DNAH9: variants seen among roughly 807,000 people sequenced by gnomAD.
DNAH9 encodes dynein axonemal heavy chain 9.
Under a neutral mutation model 471.6 loss-of-function variants are expected in DNAH9, and 345 were observed. That is an observed-to-expected ratio of 0.73 (90% CI 0.67 to 0.80). DNAH9 has a LOEUF of 0.80. Ranked by LOEUF, DNAH9 falls within the 30% of genes least tolerant of loss-of-function variation. The pLI, the probability that DNAH9 is intolerant of heterozygous loss-of-function variation, is 0.00. For missense variants in DNAH9, 5,407 were observed against 5,609.2 expected (o/e 0.96, Z 1.15); for synonymous variants, 2,093 against 2,123.6 (o/e 0.99, Z 0.40).
chr17:11,882,686 A>G (rs1348800575), intron 55 of DNAH9, among the ~76,000 whole-genome samples: 1 of 152,242 alleles, frequency 6.6e-6, no homozygotes, highest in Non-Finnish European at 1.5e-5. Context: ...AAACAAATGA[A>G]CAATGCCATT....
At chr17:11,954,769 TAAAAAAAA>T (rs34740871) in intron 67 of DNAH9, among the ~76,000 whole-genome samples, 2 of 118,734 alleles carry the variant, frequency 1.7e-5, no homozygotes, top group African/African-American at 6.1e-5. Context: ...GACTTCGTCT[TAAAAAAAA>T]AAAAAAAAAA....
chr17:11,833,983 G>T (rs2150952743), intron 48 of DNAH9, among the ~76,000 whole-genome samples: 1 of 152,256 alleles, frequency 6.6e-6, no homozygotes, highest in Non-Finnish European at 1.5e-5. Flanking sequence ...AGCTTTATAA[G>T]CAATAGCTAC....
intron 20 of DNAH9, among the ~76,000 whole-genome samples, chr17:11,690,686 GA>G (rs60154323): frequency 0.22 from 31,681 of 145,724 alleles, 3,766 homozygotes; most frequent in African/African-American, 0.34. Context: ...ACCTCATTCA[GA>G]AAAAAAAAAA....
chr17:11,860,485 T>C (rs1338887767), intron 50 of DNAH9, among the ~76,000 whole-genome samples: 1 of 152,208 alleles, frequency 6.6e-6, no homozygotes, highest in East Asian at 1.9e-4. Flanking sequence ...TTTTGCAAAG[T>C]ATTGAATTCT....
In DNAH9 at chr17:11,821,238, A is replaced by C. The variant is rs1416890385; in HGVS notation, c.8708-682A>C. The stretch of plus-strand genomic sequence containing the variant: ...GAGGTGGAGGTTGCAGTGAGCCAAG[A>C]TCACACCACTGCACTCCAGTCTGGG... On this transcript the variant is annotated intron_variant, in intron 45 of 68. Coordinates refer to ENST00000262442, the MANE Select transcript of DNAH9 (RefSeq NM_001372.4). Among the ~76,000 whole-genome samples the C allele has an allele frequency of 4.0e-5, 6 of 151,674 alleles. No individual in the cohort carries two copies. The East Asian group carries it at 1.2e-3, about 29-fold the overall frequency.
At chr17:11,895,014 C>G (rs1253389131) in intron 59 of DNAH9, among the ~76,000 whole-genome samples, 1 of 152,144 alleles carries the variant, frequency 6.6e-6, no homozygotes, top group Non-Finnish European at 1.5e-5. Context: ...CTCTGTCCAC[C>G]TGGGCAATAG....
At chr17:11,801,976 G>A (rs1969478923) in intron 43 of DNAH9, among the ~76,000 whole-genome samples, 1 of 152,180 alleles carries the variant, frequency 6.6e-6, no homozygotes, top group South Asian at 2.1e-4. Flanking sequence ...TATCCAAAGA[G>A]AAGCCTGAGC....
At position 11,810,259 on chromosome 17, in the gene DNAH9, G is replaced by A. The variant is rs1041550556; in HGVS notation, c.8597G>A (p.Ser2866Asn). The A allele has an allele frequency of 6.2e-7, 1 of 1,613,016 alleles. No individual in the cohort carries two copies. Among genetic ancestry groups the A allele is most frequent in the Non-Finnish European group, 8.5e-7 (1 of 1,179,546 alleles). ...QIQDFKMDLASLCLKAGVKNL... is the reference protein window; with the variant it reads ...QIQDFKMDLANLCLKAGVKNL... Reference sequence around the variant, plus strand: ...CCATTCCTACAGATGGACCTGGCCAGCCTGTGTCTGAAAGCTGGAGTGAAG... The same window carrying A: ...CCATTCCTACAGATGGACCTGGCCAACCTGTGTCTGAAAGCTGGAGTGAAG... Residue 2866 changes from serine (S) to asparagine (N), a missense_variant, in exon 45 of 69, where the codon AGC (serine) becomes AAC (asparagine). By Grantham distance (46) the Ser-to-Asn change is conservative. Around this residue, in one of 3 missense-constraint regions of DNAH9, gnomAD observed 4,636 missense variants for 4,900.3 expected, o/e 0.95. Transcript: ENST00000262442.
chr17:11,757,708 A>T lies in DNAH9; in HGVS notation c.6995+16A>T. The T allele has an allele frequency of 6.2e-7, 1 of 1,612,946 alleles. No homozygotes were observed. Among genetic ancestry groups the T allele is most frequent in the Middle Eastern group, 1.8e-4 (1 of 5,450 alleles). On this transcript the variant is annotated intron_variant, in intron 35 of 68. Transcript: ENST00000262442. ...TCAGAACCAGGTAGGCCAAGAAACA[A>T]GGAAGATAGAGAGTTAAAGCAGCAA...
intron 67 of DNAH9, among the ~76,000 whole-genome samples, chr17:11,957,499 G>A (rs2151447347): frequency 6.6e-6 from 1 of 151,458 alleles, no homozygotes; most frequent in South Asian, 2.1e-4. Context: ...ATGAACCTCA[G>A]GACCCAAGAA....
intron 14 of DNAH9, among the ~76,000 whole-genome samples, chr17:11,660,229 G>A (rs575626574): frequency 2.6e-5 from 4 of 151,686 alleles, no homozygotes; most frequent in African/African-American, 7.3e-5. Context: ...TGGGCTGATG[G>A]TGATACTAGT....
intron 41 of DNAH9, among the ~76,000 whole-genome samples, chr17:11,791,024 A>G (rs1421492404): frequency 6.6e-6 from 1 of 152,120 alleles, no homozygotes; most frequent in African/African-American, 2.4e-5. Context: ...AGAGTTACCC[A>G]TATGTTACCT....
intron 59 of DNAH9, among the ~76,000 whole-genome samples, chr17:11,900,799 C>T (rs1161406897): frequency 7.2e-5 from 11 of 152,254 alleles, no homozygotes; most frequent in Middle Eastern, 3.4e-3. Flanking sequence ...GCTTTAGACA[C>T]GCAGTCTCGT....
intron 53 of DNAH9, among the ~76,000 whole-genome samples, chr17:11,879,748 C>G (rs1211018438): frequency 6.6e-6 from 1 of 151,910 alleles, no homozygotes; most frequent in East Asian, 1.9e-4. Context: ...GGTTATAAAA[C>G]AAAACACCAT....
intron 50 of DNAH9, among the ~76,000 whole-genome samples, chr17:11,854,758 T>C (rs916300824): frequency 2.6e-5 from 4 of 152,208 alleles, no homozygotes; most frequent in Non-Finnish European, 5.9e-5. Context: ...CCTTTTTACC[T>C]GTTCCCTTCA....
rs1247794032 is a variant in DNAH9 at position 11,822,160 on chromosome 17, A to G, written c.8850+98A>G. On this transcript the variant is annotated intron_variant, in intron 46 of 68. Transcript: ENST00000262442. ...GCACAACTGTCCTTATTGATTGTCT[A>G]GAGTAGGTGGTGAGTGTGCGGCACC... 21 of 1,413,736 alleles carry G rather than the reference A, an allele frequency of 1.5e-5. No individual in the cohort carries two copies. The South Asian group carries it at 2.5e-4, about 17-fold the overall frequency. The allele number at this position is 1,413,736 out of a possible 1,614,324, so 87.6% of individuals were successfully genotyped here. A position where few individuals can be genotyped will look rare whatever the true frequency, so the allele number is the denominator to read the frequency against.
chr17:11,707,959 CCACACACACACACACACACACACA>C (rs756020074), intron 26 of DNAH9, among the ~76,000 whole-genome samples: 6,736 of 106,204 alleles, frequency 0.063, 396 homozygotes, highest in Admixed American at 0.074. Flanking sequence ...GCCTCTCCCA[CCACACACACACACACACACACACA>C]CACACACACA....
At chr17:11,646,172 C>G (rs1240899504) in intron 11 of DNAH9, among the ~76,000 whole-genome samples, 3 of 136,798 alleles carry the variant, frequency 2.2e-5, no homozygotes, top group Non-Finnish European at 4.9e-5. Context: ...AGCCACCACG[C>G]CTGGCTAATT....
intron 21 of DNAH9, 57 bp from the exon 22 acceptor site, chr17:11,694,264 G>T (rs1341992546): frequency 6.3e-7 from 1 of 1,582,424 alleles, no homozygotes; most frequent in Non-Finnish European, 8.7e-7. Context: ...AGTAATGTAT[G>T]TGTATCCATG....
Sources: allele counts gnomAD v4.1 joint callset (sites outside exome capture counted in the v4.1 genomes callset), GRCh38; gene constraint gnomAD v4.1.1; regional missense constraint gnomAD v4.1.1; transcripts MANE v1.5; gene names NCBI Gene and HGNC (gene_info 2026-07-23, HGNC 2026-07-21).